Variants in ANK3 observed in about 807,000 individuals in gnomAD.
ANK3 encodes ankyrin-3.
ANK3 carries 57 observed loss-of-function variants against 370.9 expected under a neutral mutation model. The ratio of observed to expected loss-of-function variants is 0.15; its 90% confidence interval spans 0.12 to 0.19. ANK3 has a LOEUF of 0.19. Ranked by LOEUF, ANK3 falls within the 10% of genes least tolerant of loss-of-function variation. The pLI is 1.00. For missense variants in ANK3, 4,439 were observed against 5,302.1 expected, an observed-to-expected ratio of 0.84 and a Z score of 5.06; for synonymous variants, 1,929 against 1,946.3, an observed-to-expected ratio of 0.99 and a Z score of 0.23.
At chr10:60,440,511 A>T (rs995475883) in intron 2 of ANK3, among the ~76,000 whole-genome samples, 2 of 152,096 alleles carry the variant, frequency 1.3e-5, no homozygotes, top group Non-Finnish European at 2.9e-5. Flanking sequence ...CTCATTAACT[A>T]TCATAAGAAC....
At chr10:60,704,866 C>T (rs953126218) in intron 1 of ANK3, among the ~76,000 whole-genome samples, 3 of 152,088 alleles carry the variant, frequency 2.0e-5, no homozygotes, top group Non-Finnish European at 4.4e-5. Flanking sequence ...GAAAAATAAT[C>T]GTGTTTTAAA....
chr10:60,225,397 T>G (rs557772599), intron 8 of ANK3, among the ~76,000 whole-genome samples: 7 of 152,214 alleles, frequency 4.6e-5, no homozygotes, highest in African/African-American at 1.7e-4. Flanking sequence ...GAGAAAAGCA[T>G]CAGTAGCTAC....
intron 7 of ANK3, among the ~76,000 whole-genome samples, chr10:60,251,964 G>C (rs1241017311): frequency 1.3e-5 from 2 of 152,108 alleles, no homozygotes; most frequent in African/African-American, 4.8e-5. Context: ...TCCTTTTCTT[G>C]GAGCTGATCC....
intron 8 of ANK3, among the ~76,000 whole-genome samples, chr10:60,214,563 C>T (rs1166988366): frequency 1.3e-5 from 2 of 152,040 alleles, no homozygotes; most frequent in African/African-American, 4.8e-5. Context: ...TCTCTATGTC[C>T]ATGTGTTCTC....
chr10:60,731,949 T>C (rs1045875747), intron 1 of ANK3, among the ~76,000 whole-genome samples: 3 of 152,180 alleles, frequency 2.0e-5, no homozygotes, highest in African/African-American at 7.2e-5. Context: ...CCAATTGACT[T>C]GGTTGAAACT....
At chr10:60,322,015 T>G (rs559991490) in intron 1 of ANK3, among the ~76,000 whole-genome samples, 73 of 152,314 alleles carry the variant, frequency 4.8e-4, no homozygotes, top group Middle Eastern at 3.4e-3. Context: ...ACATAATATT[T>G]TACTGTAGTG....
At chr10:60,591,964 T>C (rs753515844) in intron 2 of ANK3, among the ~76,000 whole-genome samples, 2 of 152,178 alleles carry the variant, frequency 1.3e-5, no homozygotes, top group Non-Finnish European at 2.9e-5. Flanking sequence ...GTGGGAATAG[T>C]TAATGGGTAC....
At chr10:60,138,813 C>A in intron 24 of ANK3, 151 bp downstream of exon 24, 1 of 884,890 alleles carries the variant, frequency 1.1e-6, no homozygotes, top group Non-Finnish European at 1.7e-6. Context: ...AATAGCAGAG[C>A]ATGTGTATTT....
intron 2 of ANK3, among the ~76,000 whole-genome samples, chr10:60,594,663 GAC>G (rs2077962688): frequency 1.3e-5 from 2 of 152,024 alleles, no homozygotes; most frequent in Admixed American, 1.3e-4. Flanking sequence ...GTAAAATGTA[GAC>G]ACAGCAAATT....
intron 2 of ANK3, among the ~76,000 whole-genome samples, chr10:60,427,538 A>G (rs2063915981): frequency 6.6e-6 from 1 of 152,040 alleles, no homozygotes; most frequent in African/African-American, 2.4e-5. Context: ...AAAAAAAAAA[A>G]CCTCAGGAGT....
intron 1 of ANK3, among the ~76,000 whole-genome samples, chr10:60,282,808 C>T (rs1453015613): frequency 1.3e-5 from 2 of 152,078 alleles, no homozygotes; most frequent in Admixed American, 1.3e-4. Context: ...ACACCAAAAC[C>T]ATAACAACCA....
chr10:60,695,494 C>G (rs1292970984), intron 1 of ANK3, among the ~76,000 whole-genome samples: 3 of 152,092 alleles, frequency 2.0e-5, no homozygotes, highest in Non-Finnish European at 4.4e-5. Context: ...TGACCACATA[C>G]TTCGAAGTAA....
In ANK3 at chr10:60,513,409, G is replaced by A. The variant is rs181677153; in HGVS notation, c.96+101777C>T. On this transcript the variant is annotated intron_variant, in intron 2 of 43. Transcript: ENST00000373827. ...CCAATGGTGTTACTTACTATCCATG[G>A]GGGTTCAGACTAATGAGATACCACT... Among the ~76,000 whole-genome samples, 47 of 152,142 alleles carry A rather than the reference G, an allele frequency of 3.1e-4. 1 individual carries two copies. Among genetic ancestry groups the A allele is most frequent in the African/African-American group, 1.0e-3 (42 of 41,526 alleles).
rs540205476 is a variant in ANK3, at chr10:60,342,824, T to C, written c.114+46601A>G. Among the ~76,000 whole-genome samples the C allele has an allele frequency of 7.2e-5, 11 of 152,206 alleles. No individual in the cohort carries two copies. In the South Asian group the frequency reaches 1.5e-3, roughly 20 times the overall value. On this transcript the variant is annotated intron_variant, in intron 1 of 43. Transcript: ENST00000280772. The stretch of plus-strand genomic sequence containing the variant: ...AAGATGAAGTCATTGAGATAACTTG[T>C]GAAAAAGGGGTTCCATGACCCAGTA...
chr10:60,196,202 A>C lies in ANK3; in HGVS notation c.1830T>G (p.Asn610Lys). 1 of 1,613,988 alleles carries C rather than the reference A, an allele frequency of 6.2e-7. No homozygotes were observed. The highest frequency in any genetic ancestry group is 1.3e-5 in the African/African-American group (1 of 75,010). Reference sequence around the variant, plus strand: ...CCAAAAGCAGAAGGGCCACTTTCTGATTATCGTAATGTGCAGCTACATGCA... The same window carrying C: ...CCAAAAGCAGAAGGGCCACTTTCTGCTTATCGTAATGTGCAGCTACATGCA... The part of the protein sequence containing the change: ...TPLHVAAHYD[N>K]QKVALLLLDQ... The change falls in exon 16 of 44, where the codon AAT (asparagine) becomes AAG (lysine). Residue 610 changes from asparagine (N) to lysine (K), a missense_variant. This residue lies in a region of ANK3 where 192 missense variants were observed against 192.1 expected (regional missense o/e 1.00). Transcript: ENST00000280772.
chr10:60,386,217 T>G (rs2062278095), intron 1 of ANK3, among the ~76,000 whole-genome samples: 1 of 151,988 alleles, frequency 6.6e-6, no homozygotes, highest in African/African-American at 2.4e-5. Flanking sequence ...TGCCTCCCAC[T>G]GGTTGCCAAC....
intron 1 of ANK3, among the ~76,000 whole-genome samples, chr10:60,336,677 TA>T: frequency 6.6e-6 from 1 of 152,158 alleles, no homozygotes; most frequent in Non-Finnish European, 1.5e-5. Context: ...AGTGGTTTAC[TA>T]AAAAAAGAAG....
chr10:60,081,117 T>C (rs2085114736), intron 35 of ANK3, among the ~76,000 whole-genome samples: 2 of 152,170 alleles, frequency 1.3e-5, no homozygotes, highest in Admixed American at 1.3e-4. Context: ...GACGGAGTCT[T>C]GCTCTTGTAG....
At chr10:60,465,790 T>C (rs12782716) in intron 2 of ANK3, among the ~76,000 whole-genome samples, 5 of 129,374 alleles carry the variant, frequency 3.9e-5, no homozygotes, top group African/African-American at 1.3e-4. Flanking sequence ...TTTTTCTTTC[T>C]TTTTTTTTTT....
Sources: gnomAD v4.1 joint callset for allele counts (sites outside exome capture counted in the v4.1 genomes callset) on GRCh38, gnomAD v4.1.1 for gene constraint, gnomAD v4.1.1 regional missense constraint, MANE v1.5 for transcripts, NCBI Gene and HGNC (gene_info 2026-07-23, HGNC 2026-07-21) for gene names.